The following RIMS1 variants were observed in gnomAD, a reference collection of about 807,000 sequenced individuals.
The protein encoded by RIMS1 is regulating synaptic membrane exocytosis protein 1.
RIMS1 carries 83 observed loss-of-function variants against 214.1 expected under a neutral mutation model. The observed-to-expected ratio is 0.39, with a 90% CI of 0.32 to 0.47. The LOEUF (loss-of-function observed/expected upper bound fraction) is 0.47. Among genes scored for constraint, RIMS1 ranks in the 20% least tolerant of loss-of-function variants. The pLI is 0.99. For synonymous variants in RIMS1, 793 were observed against 786.8 expected, an observed-to-expected ratio of 1.01 and a Z score of -0.13; for missense variants, 2,050 against 2,161.8, an observed-to-expected ratio of 0.95 and a Z score of 1.03.
chr6:72,116,086 G>C (rs2037018159), intron 4 of RIMS1, among the ~76,000 whole-genome samples: 1 of 152,086 alleles, frequency 6.6e-6, no homozygotes, highest in African/African-American at 2.4e-5. Context: ...TACTGAGGCA[G>C]TCTGGACTAG....
intron 6 of RIMS1, among the ~76,000 whole-genome samples, chr6:72,187,202 G>A (rs547269839): frequency 6.6e-6 from 1 of 151,210 alleles, no homozygotes; most frequent in Non-Finnish European, 1.5e-5. Context: ...AAGGAAGGGA[G>A]GGCTCATTTT....
Position 72,050,742 on chromosome 6 carries a change from G to C in RIMS1, c.246-46207G>C, listed in dbSNP as rs535794376. On this transcript the variant is annotated intron_variant, in intron 2 of 33. Coordinates refer to ENST00000521978, the MANE Select transcript of RIMS1 (RefSeq NM_014989.7). ...CTCACACTGATGAGCCCTTTGTGGG[G>C]TGTATATCCAAATGTCTGTCTTTTC... Among the ~76,000 whole-genome samples, 10 of 152,258 alleles carry C rather than the reference G, an allele frequency of 6.6e-5. No individual in the cohort carries two copies. The South Asian group carries it at 2.1e-3, about 32-fold the overall frequency.
chr6:72,050,386 A>G (rs1824288152), intron 2 of RIMS1, among the ~76,000 whole-genome samples: 1 of 152,090 alleles, frequency 6.6e-6, no homozygotes, highest in Admixed American at 6.5e-5. Context: ...TGTCCTTCTC[A>G]GTCACTTTCA....
intron 4 of RIMS1, among the ~76,000 whole-genome samples, chr6:72,109,496 C>T (rs1167526808): frequency 6.6e-6 from 1 of 152,064 alleles, no homozygotes; most frequent in African/African-American, 2.4e-5. Flanking sequence ...GCATAAATGT[C>T]TTCTTTTGAG....
At chr6:72,313,780 T>G in intron 28 of RIMS1, 108 bp downstream of exon 28, 43 of 1,106,858 alleles carry the variant, frequency 3.9e-5, no homozygotes, top group Non-Finnish European at 5.3e-5. Flanking sequence ...CACAGTGGGT[T>G]AAGTATTTAT....
intron 29 of RIMS1, among the ~76,000 whole-genome samples, chr6:72,380,449 A>G (rs1439925149): frequency 6.6e-6 from 1 of 152,204 alleles, no homozygotes. Context: ...CTAGGCTTCA[A>G]CCTGAAGTAT....
At chr6:72,288,669 C>T (rs988096) in intron 24 of RIMS1, among the ~76,000 whole-genome samples, 99,497 of 152,004 alleles carry the variant, frequency 0.65, 32,720 homozygotes, top group South Asian at 0.73. Flanking sequence ...TTGGTTCTAT[C>T]ATCTCTCCTC....
chr6:72,262,486 A>G, intron 19 of RIMS1: 1 of 985,356 alleles, frequency 1.0e-6, no homozygotes, highest in Non-Finnish European at 1.2e-6. Context: ...CAAATGTGTC[A>G]GTGCGAAACA....
Position 72,123,604 on chromosome 6 carries a change from T to C in RIMS1, c.471+23618T>C, listed in dbSNP as rs532104365. Among the ~76,000 whole-genome samples the C allele has an allele frequency of 3.0e-3, 458 of 151,932 alleles. 4 individuals are homozygous for C. Among genetic ancestry groups the C allele is most frequent in the African/African-American group, 0.011 (446 of 41,510 alleles). On this transcript the variant is annotated intron_variant, in intron 4 of 33. Coordinates refer to ENST00000521978, the MANE Select transcript of RIMS1 (RefSeq NM_014989.7). ...GTCTCCCATTATTATTGTGAGGGAG[T>C]CTAAGTCTCTTTGTAGGTCTCTAAG...
At chr6:71,924,531 C>T (rs575190006) in intron 1 of RIMS1, among the ~76,000 whole-genome samples, 6 of 151,132 alleles carry the variant, frequency 4.0e-5, no homozygotes, top group South Asian at 2.1e-4. Flanking sequence ...TGGTGGCTCA[C>T]GCTTGTAATC....
rs139027217 is a variant in RIMS1, at chr6:72,201,334, C to T, written c.1678+18185C>T. Reference sequence around the variant, plus strand: ...AGGTCATTTTAAGGGGAAACATTTACGCTTCAAAGTTCATTTAGAAAAAGA... The same window carrying T: ...AGGTCATTTTAAGGGGAAACATTTATGCTTCAAAGTTCATTTAGAAAAAGA... On this transcript the variant is annotated intron_variant, in intron 6 of 33. Transcript: ENST00000521978. 2.4e-3 allele frequency among the ~76,000 whole-genome samples: 370 copies of T among 152,266 alleles called. 2 individuals are homozygous for T. The highest frequency in any genetic ancestry group is 3.6e-3 in the Non-Finnish European group (247 of 68,006).
rs761123612 is a variant in RIMS1, at chr6:72,307,245, T to C, written c.3851-13T>C. ...CACATGTTTTAATAGGCTTCCATTATGTGTTTTTGCAGCAAGCTTAGTAGT... is the reference window on the plus strand; with the variant it reads ...CACATGTTTTAATAGGCTTCCATTACGTGTTTTTGCAGCAAGCTTAGTAGT... On this transcript the variant is annotated splice_polypyrimidine_tract_variant and intron_variant, in intron 26 of 33. Coordinates refer to ENST00000521978, the MANE Select transcript of RIMS1 (RefSeq NM_014989.7). The C allele has an allele frequency of 2.1e-5, 32 of 1,553,308 alleles. No homozygotes were observed. In the African/African-American group the frequency reaches 3.8e-4, roughly 18 times the overall value.
At chr6:72,023,405 G>T (rs1165096828) in intron 2 of RIMS1, among the ~76,000 whole-genome samples, 1 of 151,990 alleles carries the variant, frequency 6.6e-6, no homozygotes, top group Non-Finnish European at 1.5e-5. Context: ...AACTTAAATT[G>T]TTACAATATT....
chr6:72,277,237 G>A (rs562877589), intron 23 of RIMS1, among the ~76,000 whole-genome samples: 1 of 152,170 alleles, frequency 6.6e-6, no homozygotes, highest in Admixed American at 6.5e-5. Context: ...TTTTTCTCAA[G>A]TGATACCATA....
chr6:71,955,567 G>A (rs574709401), intron 1 of RIMS1, among the ~76,000 whole-genome samples: 70 of 152,164 alleles, frequency 4.6e-4, no homozygotes, highest in African/African-American at 1.6e-3. Flanking sequence ...AGGTTGCTTT[G>A]TTACTGATTT....
chr6:71,957,310 T>A (rs1791576746), intron 1 of RIMS1, among the ~76,000 whole-genome samples: 1 of 152,182 alleles, frequency 6.6e-6, no homozygotes, highest in Non-Finnish European at 1.5e-5. Flanking sequence ...ACTTACTCTA[T>A]GCAGCTTTTC....
intron 4 of RIMS1, among the ~76,000 whole-genome samples, chr6:72,117,230 A>G (rs2037264699): frequency 6.6e-6 from 1 of 152,012 alleles, no homozygotes. Flanking sequence ...TTCCTGGGCC[A>G]TAGAAAATGG....
At chr6:71,901,082 C>G (rs925913026) in intron 1 of RIMS1, among the ~76,000 whole-genome samples, 4 of 151,922 alleles carry the variant, frequency 2.6e-5, no homozygotes, top group African/African-American at 9.7e-5. Context: ...ACTATGATAG[C>G]TAAAATTAGA....
chr6:72,379,287 G>T (rs567161603), intron 29 of RIMS1, among the ~76,000 whole-genome samples: 3 of 152,186 alleles, frequency 2.0e-5, no homozygotes, highest in Non-Finnish European at 2.9e-5. Context: ...ACTAGGCTTC[G>T]CCAGCTTCAT....
Sources: gnomAD v4.1 joint callset for allele counts (sites outside exome capture counted in the v4.1 genomes callset) on GRCh38, gnomAD v4.1.1 for gene constraint, MANE v1.5 for transcripts, NCBI Gene and HGNC (gene_info 2026-07-23, HGNC 2026-07-21) for gene names.